QPRT: variants seen among roughly 807,000 people sequenced by gnomAD.
QPRT encodes the protein nicotinate-nucleotide pyrophosphorylase [carboxylating].
Under a neutral mutation model 19.8 loss-of-function variants are expected in QPRT, and 17 were observed. The ratio of observed to expected loss-of-function variants is 0.86; its 90% CI spans 0.59 to 1.29. The LOEUF (loss-of-function observed/expected upper bound fraction) is 1.29, where lower values mean the gene tolerates loss of function less well. Ranked by LOEUF, QPRT falls within the 50% of genes most tolerant of loss-of-function variation. QPRT has a pLI of 0.00. For missense variants in QPRT, 336 were observed against 405.1 expected (o/e 0.83, Z 1.46); for synonymous variants, 178 against 191.0 (o/e 0.93, Z 0.56).
chr16:29,693,491 T>C (rs563727941), intron 1 of QPRT, among the ~76,000 whole-genome samples: 3 of 152,194 alleles, frequency 2.0e-5, no homozygotes, highest in African/African-American at 7.2e-5. Context: ...ACTCCTGACC[T>C]CAGGTGATCC....
chr16:29,691,088 G>A (rs914270284), intron 1 of QPRT, among the ~76,000 whole-genome samples: 7 of 151,800 alleles, frequency 4.6e-5, no homozygotes, highest in Admixed American at 1.3e-4. Context: ...AGTCTGGCCA[G>A]GCACGGTGGC....
chr16:29,695,324 C>T (rs1296034304), intron 2 of QPRT, 125 bp downstream of exon 2: 11 of 1,094,494 alleles, frequency 1.0e-5, no homozygotes, highest in African/African-American at 3.2e-5. Context: ...CAACACAAGA[C>T]TCTTCCCACC....
intron 1 of QPRT, among the ~76,000 whole-genome samples, chr16:29,691,904 C>T (rs996101032): frequency 1.3e-5 from 2 of 152,128 alleles, no homozygotes; most frequent in Non-Finnish European, 2.9e-5. Context: ...GACTCAGCAG[C>T]TTGGCTTTGG....
intron 1 of QPRT, among the ~76,000 whole-genome samples, chr16:29,680,020 T>C (rs946572627): frequency 7.3e-5 from 11 of 150,262 alleles, no homozygotes; most frequent in South Asian, 4.2e-4. Flanking sequence ...TGCAGTGGCG[T>C]GATCTCGGCT....
rs755104518 is a variant in QPRT, at chr16:29,695,115, C to T, written c.465C>T (p.Gly155=). 19 of 1,597,358 alleles carry T rather than the reference C, an allele frequency of 1.2e-5. No homozygotes were observed. The South Asian group carries it at 1.9e-4, about 16-fold the overall frequency. ...TGGAGAAGTATGGGCTCCTGGTGGGCGGGGCCGCCTCGCACCGCTACGACC... is the reference window on the plus strand; with the variant it reads ...TGGAGAAGTATGGGCTCCTGGTGGGTGGGGCCGCCTCGCACCGCTACGACC... ...RLVEKYGLLV[G]GAASHRYDLG... is the part of the protein sequence containing the mutation. Residue 155 remains glycine, a synonymous_variant, in exon 2 of 4, where the codon GGC becomes GGT. Coordinates refer to ENST00000395384, the MANE Select transcript of QPRT (RefSeq NM_014298.6).
At chr16:29,693,983 C>T (rs1342513865) in intron 1 of QPRT, among the ~76,000 whole-genome samples, 4 of 151,904 alleles carry the variant, frequency 2.6e-5, no homozygotes, top group Admixed American at 6.6e-5. Flanking sequence ...CACCCCCAAG[C>T]CTGGCTAATT....
intron 1 of QPRT, among the ~76,000 whole-genome samples, chr16:29,683,027 C>CT (rs1427797545): frequency 1.8e-3 from 247 of 136,212 alleles, no homozygotes; most frequent in East Asian, 3.0e-3. Context: ...CTGACTGATT[C>CT]TTTTTTTTTT....
rs1253183652 is a variant in QPRT at position 29,695,078 on chromosome 16, G to A, written c.428G>A (p.Gly143Asp). 1 of 1,606,116 alleles carries A rather than the reference G, an allele frequency of 6.2e-7. No homozygotes were observed. Among genetic ancestry groups the A allele is most frequent in the Non-Finnish European group, 8.5e-7 (1 of 1,178,462 alleles). Residue 143 changes from glycine to aspartate, a missense_variant, in exon 2 of 4, where the codon GGC becomes GAC. Gly to Asp is a moderately conservative substitution (Grantham distance 94). Transcript: ENST00000395384. ...HVAGTRKTTP[G>D]FRLVEKYGLL... ...GCAGGCACGAGGAAGACCACGCCAG[G>A]CTTCCGGCTGGTGGAGAAGTATGGG... is the stretch of plus-strand genomic sequence containing the variant.
chr16:29,684,507 G>A (rs923438502), intron 1 of QPRT, among the ~76,000 whole-genome samples: 17 of 151,918 alleles, frequency 1.1e-4, no homozygotes, highest in Admixed American at 4.6e-4. Context: ...TGTTGGCCCC[G>A]GAGTTCAATT....
rs1030408379 is a variant in QPRT, at chr16:29,698,297, C to T, written c.*886C>T. On this transcript the variant is annotated 3_prime_UTR_variant, in exon 4 of 4. Coordinates refer to ENST00000395384, the MANE Select transcript of QPRT (RefSeq NM_014298.6). ...TGCTGCCCTCCTCCCCCCACCTTGC[C>T]TAGTTTACAAGACAGGAGGAAAGAG... 1 of 152,294 alleles carries T rather than the reference C, an allele frequency of 6.6e-6. No individual in the cohort carries two copies. Among genetic ancestry groups the T allele is most frequent in the African/African-American group, 2.4e-5 (1 of 41,364 alleles). 9.4% of individuals were successfully genotyped at this position (152,294 alleles called of 1,614,324 possible). A position where few individuals can be genotyped will look rare whatever the true frequency, so the allele number is the denominator to read the frequency against.
At chr16:29,681,072 T>A (rs927404438) in intron 1 of QPRT, among the ~76,000 whole-genome samples, 1 of 151,884 alleles carries the variant, frequency 6.6e-6, no homozygotes, top group Non-Finnish European at 1.5e-5. Context: ...TCCCTCTGGC[T>A]CCACTGTGGA....
At position 29,694,948 on chromosome 16, in the gene QPRT, G is replaced by C. The variant is rs1967475833; in HGVS notation, c.298G>C (p.Gly100Arg). 1.2e-6 allele frequency: 2 copies of C among 1,611,744 alleles called. No homozygotes were observed. Among genetic ancestry groups the C allele is most frequent in the Admixed American group, 3.3e-5 (2 of 60,010 alleles). ...GGGCCCTGCCCACTGCCTGCTGCTGGGGGAACGGGTGGCCCTCAACACGCT... is the reference window on the plus strand; with the variant it reads ...GGGCCCTGCCCACTGCCTGCTGCTGCGGGAACGGGTGGCCCTCAACACGCT... ...VRGPAHCLLL[G>R]ERVALNTLAR... Residue 100 changes from glycine (G) to arginine (R), a missense_variant, in exon 2 of 4, where the codon GGG becomes CGG. Physicochemically the swap from Gly to Arg is moderately radical, Grantham distance 125. Transcript: ENST00000395384.
At chr16:29,679,108 C>G (rs1265571733), upstream of QPRT, 1 of 1,611,820 alleles carries the variant, frequency 6.2e-7, no homozygotes, top group African/African-American at 1.3e-5. Context: ...TGGGCCCTCC[C>G]TCCCTCCACA....
intron 1 of QPRT, among the ~76,000 whole-genome samples, chr16:29,693,358 T>C (rs1232037663): frequency 1.3e-5 from 2 of 151,718 alleles, no homozygotes; most frequent in African/African-American, 4.8e-5. Flanking sequence ...CTTCAACCTC[T>C]GCCTCCTGGG....
chr16:29,686,412 AC>A (rs1360551957), intron 1 of QPRT, among the ~76,000 whole-genome samples: 1 of 152,164 alleles, frequency 6.6e-6, no homozygotes, highest in African/African-American at 2.4e-5. Flanking sequence ...CCATGAGTCC[AC>A]CACACTTGAG....
In QPRT at chr16:29,697,219, C is replaced by T. The variant is rs751454922; in HGVS notation, c.702C>T (p.Thr234=). Residue 234 remains threonine, a synonymous_variant, in exon 4 of 4, where the codon ACC becomes ACT. Coordinates refer to ENST00000395384, the MANE Select transcript of QPRT (RefSeq NM_014298.6). The surrounding 1 kb of genome is among the most constrained non-coding windows in gnomAD (Gnocchi z 4.4). ...CGCAGGAGCTGCACCCCACGGCCAC[C>T]GTGCTGAAGGCCCAGTTCCCGAGTG... is the stretch of plus-strand genomic sequence containing the variant. The part of the protein sequence containing the change: ...FKPEELHPTA[T]VLKAQFPSVA... 8 of 1,612,026 alleles carry T rather than the reference C, an allele frequency of 5.0e-6. No homozygotes were observed. The highest frequency in any genetic ancestry group is 2.2e-5 in the South Asian group (2 of 90,860).
At chr16:29,682,714 T>C (rs192887812) in intron 1 of QPRT, among the ~76,000 whole-genome samples, 22 of 152,208 alleles carry the variant, frequency 1.4e-4, no homozygotes, top group Admixed American at 5.2e-4. Flanking sequence ...TAAAGACTTT[T>C]CTTTTTACTA....
At chr16:29,690,806 C>A (rs1033395750) in intron 1 of QPRT, among the ~76,000 whole-genome samples, 1 of 152,148 alleles carries the variant, frequency 6.6e-6, no homozygotes, top group Non-Finnish European at 1.5e-5. Context: ...TATCCTGCCT[C>A]AGCCTCCCAA....
At chr16:29,681,224 T>C (rs1468790018) in intron 1 of QPRT, among the ~76,000 whole-genome samples, 2 of 152,138 alleles carry the variant, frequency 1.3e-5, no homozygotes, top group African/African-American at 4.8e-5. Context: ...GCAAGTTTTG[T>C]AACCTGTAGA....
Sources: allele counts gnomAD v4.1 joint callset (sites outside exome capture counted in the v4.1 genomes callset), GRCh38; gene constraint gnomAD v4.1.1; non-coding constraint Gnocchi (gnomAD v3.1); transcripts MANE v1.5; gene names NCBI Gene and HGNC (gene_info 2026-07-23, HGNC 2026-07-21).